The following CADPS2 variants were observed in gnomAD, a reference collection of about 807,000 sequenced individuals.
CADPS2 encodes the protein calcium dependent secretion activator 2, also known as calcium-dependent secretion activator 2.
Under a neutral mutation model 172.5 loss-of-function variants are expected in CADPS2, and 93 were observed. The ratio of observed to expected loss-of-function variants is 0.54; its 90% CI spans 0.46 to 0.64. The LOEUF is 0.64. Ranked by LOEUF, CADPS2 falls within the 30% of genes least tolerant of loss-of-function variation. The probability of loss-of-function intolerance (pLI) is 0.00; values close to 1 mark genes in which losing one functional copy is unlikely to be tolerated. For synonymous variants in CADPS2, 546 were observed against 555.2 expected (o/e 0.98, Z 0.23); for missense variants, 1,420 against 1,565.9 (o/e 0.91, Z 1.57).
intron 6 of CADPS2, 82 bp from the exon 7 acceptor site, chr7:122,581,372 T>C (rs2068790967): frequency 2.9e-6 from 3 of 1,024,002 alleles, no homozygotes; most frequent in Admixed American, 3.8e-5. Context: ...AGAAGGCAAA[T>C]TAAATACAGA....
chr7:122,597,547 A>C (rs1336985991), intron 6 of CADPS2, among the ~76,000 whole-genome samples: 1 of 152,124 alleles, frequency 6.6e-6, no homozygotes, highest in Non-Finnish European at 1.5e-5. Flanking sequence ...ACTCCACACG[A>C]ATAAAACACC....
chr7:122,435,964 G>C (rs946316160), intron 17 of CADPS2, among the ~76,000 whole-genome samples: 5 of 152,006 alleles, frequency 3.3e-5, no homozygotes, highest in African/African-American at 1.2e-4. Flanking sequence ...CTAGGGGCTG[G>C]GAGAAGAGAA....
At chr7:122,339,699 C>A (rs1585111233) in intron 28 of CADPS2, among the ~76,000 whole-genome samples, 1 of 152,116 alleles carries the variant, frequency 6.6e-6, no homozygotes, top group South Asian at 2.1e-4. Context: ...CTCGTCTGGC[C>A]AACGTGGGGA....
intron 27 of CADPS2, among the ~76,000 whole-genome samples, chr7:122,348,953 ACT>A (rs1049139364): frequency 6.6e-6 from 1 of 152,082 alleles, no homozygotes; most frequent in Non-Finnish European, 1.5e-5. Flanking sequence ...ATGTGCTAAG[ACT>A]CTGTTTTATT....
chr7:122,373,395 G>T (rs2041996124), intron 25 of CADPS2, among the ~76,000 whole-genome samples: 12 of 152,100 alleles, frequency 7.9e-5, no homozygotes, highest in Admixed American at 7.9e-4. Flanking sequence ...CAGTTCTCAG[G>T]TAATTTTTTT....
At chr7:122,429,590 A>G (rs1014812372) in intron 17 of CADPS2, among the ~76,000 whole-genome samples, 3 of 152,066 alleles carry the variant, frequency 2.0e-5, no homozygotes, top group Non-Finnish European at 2.9e-5. Flanking sequence ...ACACTGTCCA[A>G]AAAGCTAAAT....
intron 5 of CADPS2, among the ~76,000 whole-genome samples, chr7:122,617,909 G>A (rs952647511): frequency 2.6e-5 from 4 of 152,110 alleles, no homozygotes; most frequent in Non-Finnish European, 4.4e-5. Context: ...CTGGCTTGGT[G>A]GCAGGCACCT....
chr7:122,771,240 G>A (rs566202321), intron 1 of CADPS2, among the ~76,000 whole-genome samples: 71 of 152,284 alleles, frequency 4.7e-4, no homozygotes, highest in Admixed American at 1.0e-3. Flanking sequence ...TATGAATGTT[G>A]AAAGTCACTG....
chr7:122,733,679 G>T (rs956015224), intron 2 of CADPS2, among the ~76,000 whole-genome samples: 3 of 151,948 alleles, frequency 2.0e-5, no homozygotes, highest in African/African-American at 7.2e-5. Flanking sequence ...GAACTCACCT[G>T]AACCCACCAA....
chr7:122,819,603 C>T (rs1006118427), intron 1 of CADPS2, among the ~76,000 whole-genome samples: 3 of 147,402 alleles, frequency 2.0e-5, no homozygotes, highest in Non-Finnish European at 4.5e-5. Context: ...CTTAAAACTC[C>T]CCAACTCTGG....
intron 2 of CADPS2, chr7:122,698,509 T>C (rs771121824): frequency 5.0e-6 from 8 of 1,614,064 alleles, no homozygotes; most frequent in East Asian, 2.2e-5. Context: ...GAACACCTGG[T>C]TGCCAGTACC....
chr7:122,381,142 G>GC (rs1165319154), intron 24 of CADPS2, among the ~76,000 whole-genome samples: 8 of 151,936 alleles, frequency 5.3e-5, no homozygotes, highest in African/African-American at 1.7e-4. Context: ...TACAAAAAAG[G>GC]CCCCCCAGCT....
chr7:122,409,295 C>T (rs369225521), intron 19 of CADPS2, among the ~76,000 whole-genome samples: 22 of 152,148 alleles, frequency 1.4e-4, no homozygotes, highest in African/African-American at 5.1e-4. Flanking sequence ...GAGACATTTT[C>T]AAAATCTCAC....
chr7:122,799,138 T>C (rs768072943), intron 1 of CADPS2, among the ~76,000 whole-genome samples: 21 of 152,180 alleles, frequency 1.4e-4, no homozygotes, highest in Non-Finnish European at 2.4e-4. Context: ...CATTCAAAAA[T>C]ATGGCCATTT....
chr7:122,618,531 A>C (rs1193069416), intron 5 of CADPS2, among the ~76,000 whole-genome samples: 1 of 152,164 alleles, frequency 6.6e-6, no homozygotes, highest in Non-Finnish European at 1.5e-5. Context: ...GAGCAATTTT[A>C]AAGAGAAGGT....
At chr7:122,337,587 T>A (rs914045505) in intron 28 of CADPS2, among the ~76,000 whole-genome samples, 3 of 152,186 alleles carry the variant, frequency 2.0e-5, no homozygotes, top group Non-Finnish European at 4.4e-5. Context: ...CTGAACCACG[T>A]CTGGACTTGC....
At chr7:122,365,599 A>G (rs897744678) in intron 25 of CADPS2, among the ~76,000 whole-genome samples, 1 of 152,200 alleles carries the variant, frequency 6.6e-6, no homozygotes, top group Non-Finnish European at 1.5e-5. Context: ...CAGGGAGTAT[A>G]TAAACACTTA....
chr7:122,512,751 T>C (rs2060092709), intron 9 of CADPS2, among the ~76,000 whole-genome samples: 1 of 140,760 alleles, frequency 7.1e-6, no homozygotes, highest in Non-Finnish European at 1.5e-5. Flanking sequence ...TATTATGCTT[T>C]ATATATAAAA....
At chr7:122,617,665 G>A (rs2075077741) in intron 5 of CADPS2, among the ~76,000 whole-genome samples, 1 of 152,138 alleles carries the variant, frequency 6.6e-6, no homozygotes, top group Admixed American at 6.5e-5. Flanking sequence ...GGGCAATATG[G>A]TGAAATTGGG....
Sources: allele counts gnomAD v4.1 joint callset (sites outside exome capture counted in the v4.1 genomes callset), GRCh38; gene constraint gnomAD v4.1.1; transcripts MANE v1.5; gene names NCBI Gene and HGNC (gene_info 2026-07-23, HGNC 2026-07-21).